Variants in MYRIP observed in about 807,000 individuals in gnomAD.
The protein encoded by MYRIP is myosin VIIA and Rab interacting protein.
In MYRIP, 49 loss-of-function variants were observed where a neutral mutation model predicts 98.0. The ratio of observed to expected loss-of-function variants is 0.50; its 90% CI spans 0.40 to 0.63. The LOEUF is 0.63. MYRIP is among the 30% of genes least tolerant of loss of function. The pLI, the probability that MYRIP is intolerant of heterozygous loss-of-function variation, is 0.00. For missense variants in MYRIP, 1,004 were observed against 1,058.2 expected, an observed-to-expected ratio of 0.95 and a Z score of 0.71; for synonymous variants, 404 against 409.5, an observed-to-expected ratio of 0.99 and a Z score of 0.16.
intron 2 of MYRIP, among the ~76,000 whole-genome samples, chr3:40,023,186 A>G (rs76462469): frequency 0.085 from 12,980 of 152,202 alleles, 885 homozygotes; most frequent in African/African-American, 0.18. Context: ...GGAGAACAGA[A>G]TGGTCACAAG....
At chr3:40,212,490 C>A (rs1328052953) in intron 11 of MYRIP, among the ~76,000 whole-genome samples, 1 of 151,992 alleles carries the variant, frequency 6.6e-6, no homozygotes, top group Non-Finnish European at 1.5e-5. Flanking sequence ...CATAATCGCC[C>A]AGGCGCAGTG....
intron 1 of MYRIP, among the ~76,000 whole-genome samples, chr3:39,821,496 CCTATTTCTTTG>C (rs144846484): frequency 0.016 from 2,430 of 151,972 alleles, 58 homozygotes; most frequent in African/African-American, 0.055. Context: ...TTATTTCTTT[CCTATTTCTTTG>C]GGTTTTTTTT....
chr3:39,835,283 T>G (rs1941584533), intron 1 of MYRIP, among the ~76,000 whole-genome samples: 1 of 152,108 alleles, frequency 6.6e-6, no homozygotes, highest in African/African-American at 2.4e-5. Context: ...CTAACTCCTG[T>G]TTATTATTTT....
At chr3:39,945,488 A>AG (rs1378167126) in intron 2 of MYRIP, among the ~76,000 whole-genome samples, 2 of 131,870 alleles carry the variant, frequency 1.5e-5, no homozygotes, top group South Asian at 2.2e-4. Context: ...AAAAAAAAAA[A>AG]AAAGAAAAAA....
At chr3:40,187,129 A>G (rs578125575) in intron 9 of MYRIP, among the ~76,000 whole-genome samples, 1 of 152,316 alleles carries the variant, frequency 6.6e-6, no homozygotes, top group South Asian at 2.1e-4. Context: ...CCAGGTGTTA[A>G]GTACTAATGC....
At chr3:39,840,564 A>G (rs1941770739) in intron 1 of MYRIP, among the ~76,000 whole-genome samples, 1 of 151,790 alleles carries the variant, frequency 6.6e-6, no homozygotes, top group Non-Finnish European at 1.5e-5. Context: ...GTTTTTTCAT[A>G]GTGTTGATTT....
chr3:39,876,880 T>C (rs985102472), intron 1 of MYRIP, among the ~76,000 whole-genome samples: 4 of 152,300 alleles, frequency 2.6e-5, no homozygotes, highest in East Asian at 3.9e-4. Context: ...TGAATCTGAA[T>C]GTTGGCCTGC....
At chr3:40,222,191 G>A (rs776433082) in intron 11 of MYRIP, among the ~76,000 whole-genome samples, 1 of 152,190 alleles carries the variant, frequency 6.6e-6, no homozygotes, top group South Asian at 2.1e-4. Flanking sequence ...GCAGCTCAGA[G>A]GCACTTCTGC....
At chr3:39,986,262 G>A (rs1456663757) in intron 2 of MYRIP, among the ~76,000 whole-genome samples, 1 of 152,142 alleles carries the variant, frequency 6.6e-6, no homozygotes, top group Non-Finnish European at 1.5e-5. Context: ...CAAAGGGCCA[G>A]CCTCATTCTG....
chr3:39,944,690 A>T (rs946452098), intron 2 of MYRIP, among the ~76,000 whole-genome samples: 1 of 152,162 alleles, frequency 6.6e-6, no homozygotes, highest in Non-Finnish European at 1.5e-5. Flanking sequence ...TAGCCAAAAC[A>T]TTTGCAAATG....
intron 10 of MYRIP, among the ~76,000 whole-genome samples, chr3:40,207,343 T>G (rs1307724510): frequency 1.3e-5 from 2 of 152,188 alleles, no homozygotes; most frequent in African/African-American, 4.8e-5. Context: ...GAGGTCATTC[T>G]TCCTGTGGAC....
intron 3 of MYRIP, among the ~76,000 whole-genome samples, chr3:40,098,911 A>ATGTGTG (rs201862052): frequency 7.5e-6 from 1 of 134,138 alleles, no homozygotes; most frequent in African/African-American, 2.8e-5. Flanking sequence ...GTGGGTGTGC[A>ATGTGTG]TGTGTGTGCG....
At chr3:39,989,083 G>C (rs555517864) in intron 2 of MYRIP, among the ~76,000 whole-genome samples, 2 of 152,114 alleles carry the variant, frequency 1.3e-5, no homozygotes, top group African/African-American at 4.8e-5. Flanking sequence ...TCATTTGGAG[G>C]AGAAGAGGCA....
intron 2 of MYRIP, among the ~76,000 whole-genome samples, chr3:40,026,507 T>A (rs1947133512): frequency 6.6e-6 from 1 of 152,132 alleles, no homozygotes; most frequent in African/African-American, 2.4e-5. Context: ...GTAACAGGAT[T>A]AAGAAATTAA....
chr3:40,155,163 C>A (rs1232868001), intron 4 of MYRIP, among the ~76,000 whole-genome samples: 1 of 139,022 alleles, frequency 7.2e-6, no homozygotes, highest in Non-Finnish European at 1.5e-5. Context: ...CACAACAGTC[C>A]CCAGAGTGTG....
chr3:40,254,104 T>C (rs913282469), intron 16 of MYRIP, among the ~76,000 whole-genome samples: 1 of 152,164 alleles, frequency 6.6e-6, no homozygotes, highest in Non-Finnish European at 1.5e-5. Context: ...GAAAGGACTG[T>C]TGGCTCTTTT....
chr3:39,932,578 G>A (rs1344369636), intron 2 of MYRIP, among the ~76,000 whole-genome samples: 1 of 151,962 alleles, frequency 6.6e-6, no homozygotes, highest in African/African-American at 2.4e-5. Flanking sequence ...GTAGAGTTGG[G>A]GTTTCACCAT....
chr3:39,982,574 T>A (rs1435061648), intron 2 of MYRIP, among the ~76,000 whole-genome samples: 3 of 152,186 alleles, frequency 2.0e-5, no homozygotes, highest in Non-Finnish European at 4.4e-5. Context: ...CTGCCAAGCC[T>A]CTTGGGAACT....
At chr3:39,880,588 C>T (rs1943134421) in intron 1 of MYRIP, among the ~76,000 whole-genome samples, 1 of 152,226 alleles carries the variant, frequency 6.6e-6, no homozygotes, top group Non-Finnish European at 1.5e-5. Context: ...TTACTATCTC[C>T]TACTTCATAA....
Sources: gnomAD v4.1 joint callset for allele counts (sites outside exome capture counted in the v4.1 genomes callset) on GRCh38, gnomAD v4.1.1 for gene constraint, MANE v1.5 for transcripts, NCBI Gene and HGNC (gene_info 2026-07-23, HGNC 2026-07-21) for gene names.